Variants in RARG observed in about 807,000 individuals in gnomAD.
The protein encoded by RARG is RAR-gamma.
A neutral mutation model predicts 43.7 loss-of-function variants in RARG; 17 were observed. The ratio of observed to expected loss-of-function variants is 0.39; its 90% CI spans 0.27 to 0.58. RARG has a LOEUF of 0.58. Among genes scored for constraint, RARG ranks in the 20% least tolerant of loss-of-function variants. The pLI, the probability that RARG is intolerant of heterozygous loss-of-function variation, is 0.57. For synonymous variants in RARG, 238 were observed against 236.4 expected, an observed-to-expected ratio of 1.01 and a Z score of -0.06; for missense variants, 346 against 598.7, an observed-to-expected ratio of 0.58 and a Z score of 4.40.
In RARG at chr12:53,213,703, G is replaced by A; in HGVS notation, c.814-3C>T. On this transcript the variant is annotated splice_region_variant and splice_polypyrimidine_tract_variant and intron_variant, in intron 7 of 9. Coordinates refer to ENST00000425354, the MANE Select transcript of RARG (RefSeq NM_000966.6). This position sits in a 1 kb window ranked among gnomAD's most constrained non-coding sequence, Gnocchi z 4.7. ...TACCTTGTGCAGATACGCAGCATCT[G>A]GAGGTGGGGGGTGGAGGAGGGTTAG... The A allele has an allele frequency of 6.2e-7, 1 of 1,609,354 alleles. No homozygotes were observed. Among genetic ancestry groups the A allele is most frequent in the Non-Finnish European group, 8.5e-7 (1 of 1,176,010 alleles).
At position 53,211,145 on chromosome 12, in the gene RARG, CA is replaced by C. The variant is rs1942577039; in HGVS notation, c.*530del. On this transcript the variant is annotated 3_prime_UTR_variant, in exon 10 of 10. Coordinates refer to ENST00000425354, the MANE Select transcript of RARG (RefSeq NM_000966.6). The surrounding 1 kb of genome is among the most constrained non-coding windows in gnomAD (Gnocchi z 4.6). ...ACCCTCTGTTCCTGCCCCAGAAATG[CA>C]GGGCCCAGCCTGCCCCCACCTTGAC... 1 of 152,974 alleles carries C rather than the reference CA, an allele frequency of 6.5e-6. No individual in the cohort carries two copies. The highest frequency in any genetic ancestry group is 2.1e-4 in the South Asian group (1 of 4,846). 9.5% of individuals were successfully genotyped at this position (152,974 alleles called of 1,614,324 possible).
In RARG at chr12:53,215,321, C is replaced by T. The variant is rs1434909621; in HGVS notation, c.447G>A (p.Lys149=). 6.2e-7 allele frequency: 1 copy of T among 1,614,104 alleles called. No individual in the cohort carries two copies. The highest frequency in any genetic ancestry group is 8.5e-7 in the Non-Finnish European group (1 of 1,179,994). Residue 149 remains lysine, a synonymous_variant, in exon 5 of 10, where the codon AAG becomes AAA. Transcript: ENST00000425354. The surrounding 1 kb of genome is among the most constrained non-coding windows in gnomAD (Gnocchi z 6.4). ...CCTTGGACATGCCCACTTCGAAGCA[C>T]TTCTGTAGCCGGCAGTACTGGCAGC... ...RNRCQYCRLQ[K]CFEVGMSKEA...
At chr12:53,231,536 A>G (rs1308328646) in intron 1 of RARG, 1 of 152,302 alleles carries the variant, frequency 6.6e-6, no homozygotes, top group Non-Finnish European at 1.5e-5. Flanking sequence ...CTGATGTCCA[A>G]GCTGTCCCAT....
chr12:53,215,814 G>GCTCA lies in RARG; in HGVS notation c.185-21_185-20insTGAG, dbSNP rs1463275279. ...CCACCGCTGGGAGGGAAGCAGTGATGTGAGGGTCAGGGGAGAAGGACCCCA... is the reference window on the plus strand; with the variant it reads ...CCACCGCTGGGAGGGAAGCAGTGATGCTCATGAGGGTCAGGGGAGAAGGACCCCA... On this transcript the variant is annotated intron_variant, in intron 3 of 9. Transcript: ENST00000425354. This position sits in a 1 kb window ranked among gnomAD's most constrained non-coding sequence, Gnocchi z 6.4. 1.3e-6 allele frequency: 2 copies of GCTCA among 1,584,000 alleles called. No homozygotes were observed. The highest frequency in any genetic ancestry group is 1.7e-6 in the Non-Finnish European group (2 of 1,163,660).
intron 6 of RARG, 64 bp downstream of exon 6, chr12:53,214,382 A>C: frequency 6.3e-7 from 1 of 1,577,978 alleles, no homozygotes; most frequent in Non-Finnish European, 8.7e-7. Flanking sequence ...CCTCCAACAC[A>C]ACCCAGCCCC....
chr12:53,211,884 G>A lies in RARG; in HGVS notation c.1178-21C>T. On this transcript the variant is annotated intron_variant, in intron 9 of 9. Transcript: ENST00000425354. This position sits in a 1 kb window ranked among gnomAD's most constrained non-coding sequence, Gnocchi z 4.6. ...AGCTCCTACAATGGAGAGAGAAAGA[G>A]AGAGGCTCAGGAGGACAGAGGCACA... 1 of 1,402,782 alleles carries A rather than the reference G, an allele frequency of 7.1e-7. No homozygotes were observed. Among genetic ancestry groups the A allele is most frequent in the Non-Finnish European group, 9.5e-7 (1 of 1,057,452 alleles). 86.9% of individuals were successfully genotyped at this position (1,402,782 alleles called of 1,614,324 possible).
At position 53,216,841 on chromosome 12, in the gene RARG, TGCGCGCGCGCGCGCGC is replaced by T. The variant is rs61199415; in HGVS notation, c.185-1063_185-1048del. Among the ~76,000 whole-genome samples, 948 of 129,430 alleles carry T rather than the reference TGCGCGCGCGCGCGCGC, an allele frequency of 7.3e-3. 5 individuals carry two copies. The highest frequency in any genetic ancestry group is 0.018 in the African/African-American group (535 of 29,606). 84.9% of individuals were successfully genotyped at this position (129,430 alleles called of 152,430 possible). A position where few individuals can be genotyped will look rare whatever the true frequency, so the allele number is the denominator to read the frequency against. ...GGGTAAGTGTGTGTGTGTGTGTGTG[TGCGCGCGCGCGCGCGC>T]GCGCGTGTGGTTGGTCTTCAGAGGC... On this transcript the variant is annotated intron_variant, in intron 3 of 9. Transcript: ENST00000425354.
chr12:53,224,704 C>T (rs981113223), intron 3 of RARG, among the ~76,000 whole-genome samples: 2 of 151,906 alleles, frequency 1.3e-5, no homozygotes, highest in Admixed American at 6.6e-5. Context: ...AACCCACCCC[C>T]AAGCCTTCCC....
Position 53,215,182 on chromosome 12 carries a change from G to A in RARG, c.475+111C>T. On this transcript the variant is annotated intron_variant, in intron 5 of 9. Coordinates refer to ENST00000425354, the MANE Select transcript of RARG (RefSeq NM_000966.6). The surrounding 1 kb of genome is among the most constrained non-coding windows in gnomAD (Gnocchi z 6.4). ...TGGCCTGGGAGAAGGCAGCACCCCA[G>A]GGCAGGCCAAGTCTCAGAGGTCAGG... The A allele has an allele frequency of 1.4e-6, 2 of 1,398,784 alleles. No individual in the cohort carries two copies. The highest frequency in any genetic ancestry group is 1.4e-5 in the African/African-American group (1 of 69,938). 86.6% of individuals were successfully genotyped at this position (1,398,784 alleles called of 1,614,324 possible). A position where few individuals can be genotyped will look rare whatever the true frequency, so the allele number is the denominator to read the frequency against.
At chr12:53,217,278 G>A (rs757509900) in intron 3 of RARG, among the ~76,000 whole-genome samples, 1 of 152,144 alleles carries the variant, frequency 6.6e-6, no homozygotes, top group Non-Finnish European at 1.5e-5. Flanking sequence ...CTCCAGGAGG[G>A]GCTGGTGCTG....
chr12:53,212,582 T>C (rs1942622556), intron 9 of RARG, among the ~76,000 whole-genome samples: 1 of 152,196 alleles, frequency 6.6e-6, no homozygotes. Flanking sequence ...TAGCTGGAAC[T>C]ACAGATGTGC....
intron 3 of RARG, among the ~76,000 whole-genome samples, chr12:53,226,719 C>T (rs1342155911): frequency 1.3e-5 from 2 of 151,806 alleles, no homozygotes; most frequent in Non-Finnish European, 2.9e-5. Context: ...TCAAGCAATT[C>T]TCGTGCCTCA....
intron 3 of RARG, among the ~76,000 whole-genome samples, chr12:53,224,121 A>G (rs1027267486): frequency 6.6e-6 from 1 of 152,110 alleles, no homozygotes; most frequent in East Asian, 1.9e-4. Flanking sequence ...ACACGCACGC[A>G]CACACACGTA....
At chr12:53,222,738 C>G (rs945907078) in intron 3 of RARG, among the ~76,000 whole-genome samples, 1 of 152,132 alleles carries the variant, frequency 6.6e-6, no homozygotes, top group Non-Finnish European at 1.5e-5. Flanking sequence ...CCTGACCCCC[C>G]CATTCTAGAC....
In RARG at chr12:53,213,761, T is replaced by A; in HGVS notation, c.814-61A>T. On this transcript the variant is annotated intron_variant, in intron 7 of 9. Coordinates refer to ENST00000425354, the MANE Select transcript of RARG (RefSeq NM_000966.6). The surrounding 1 kb of genome is among the most constrained non-coding windows in gnomAD (Gnocchi z 4.7). The stretch of plus-strand genomic sequence containing the variant: ...TCTGGGGGATGGGGAAAAGAGGGAA[T>A]GAGTGGAAAGTGAGGAGGTTAGGTC... 1 of 1,488,120 alleles carries A rather than the reference T, an allele frequency of 6.7e-7. No homozygotes were observed. The highest frequency in any genetic ancestry group is 9.3e-7 in the Non-Finnish European group (1 of 1,077,162). The allele number at this position is 1,488,120 out of a possible 1,614,324, so 92.2% of individuals were successfully genotyped here.
At chr12:53,229,690 T>C (rs1943186012) in intron 2 of RARG, among the ~76,000 whole-genome samples, 1 of 152,202 alleles carries the variant, frequency 6.6e-6, no homozygotes, top group Non-Finnish European at 1.5e-5. Flanking sequence ...ACAGCTCAAC[T>C]GGCCAGGCCA....
intron 9 of RARG, 127 bp downstream of exon 9, chr12:53,212,958 G>T: frequency 2.5e-6 from 3 of 1,186,434 alleles, no homozygotes; most frequent in Non-Finnish European, 3.5e-6. Flanking sequence ...ATGTGGCAGA[G>T]CTAGGATTCC....
rs1400542024 is a variant in RARG at position 53,216,865 on chromosome 12, T to TGC, written c.185-1072_185-1071insGC. Among the ~76,000 whole-genome samples, 986 of 148,010 alleles carry TGC rather than the reference T, an allele frequency of 6.7e-3. 5 individuals are homozygous for TGC. The highest frequency in any genetic ancestry group is 0.015 in the African/African-American group (565 of 38,776). On this transcript the variant is annotated intron_variant, in intron 3 of 9. Transcript: ENST00000425354. The stretch of plus-strand genomic sequence containing the variant: ...GTGCGCGCGCGCGCGCGCGCGCGTG[T>TGC]GGTTGGTCTTCAGAGGCTCGGAAAA...
Position 53,213,739 on chromosome 12 carries a change from G to A in RARG, c.814-39C>T, listed in dbSNP as rs371195222. On this transcript the variant is annotated intron_variant, in intron 7 of 9. Transcript: ENST00000425354. This position sits in a 1 kb window ranked among gnomAD's most constrained non-coding sequence, Gnocchi z 4.7. The stretch of plus-strand genomic sequence containing the variant: ...GTGGAGGAGGGTTAGTGCTGTTTCT[G>A]GGGGATGGGGAAAAGAGGGAATGAG... The A allele has an allele frequency of 1.2e-5, 18 of 1,542,282 alleles. No homozygotes were observed. In the African/African-American group the frequency reaches 2.3e-4, roughly 20 times the overall value.
Sources: gnomAD v4.1 joint callset for allele counts (sites outside exome capture counted in the v4.1 genomes callset) on GRCh38, gnomAD v4.1.1 for gene constraint, Gnocchi (gnomAD v3.1) non-coding constraint, MANE v1.5 for transcripts, NCBI Gene and HGNC (gene_info 2026-07-23, HGNC 2026-07-21) for gene names.